The following EEFSEC variants were observed in gnomAD, a reference collection of about 807,000 sequenced individuals.
EEFSEC encodes the protein eukaryotic elongation factor, selenocysteine-tRNA specific.
Under a neutral mutation model 42.1 loss-of-function variants are expected in EEFSEC, and 43 were observed. The ratio of observed to expected loss-of-function variants is 1.02; its 90% CI spans 0.80 to 1.32. The LOEUF is 1.32. Ranked by LOEUF, EEFSEC falls within the 40% of genes most tolerant of loss-of-function variation. The probability of loss-of-function intolerance (pLI) is 0.00; values close to 1 mark genes in which losing one functional copy is unlikely to be tolerated. For missense variants in EEFSEC, 745 were observed against 803.6 expected (o/e 0.93, Z 0.88); for synonymous variants, 354 against 339.1 (o/e 1.04, Z -0.48).
chr3:128,156,143 G>A (rs1238974928), intron 1 of EEFSEC, among the ~76,000 whole-genome samples: 1 of 152,196 alleles, frequency 6.6e-6, no homozygotes, highest in Admixed American at 6.5e-5. Flanking sequence ...ACAAAACTGG[G>A]CTTGAAGCCT....
intron 1 of EEFSEC, among the ~76,000 whole-genome samples, chr3:128,225,749 T>C (rs1216913309): frequency 6.6e-6 from 1 of 152,168 alleles, no homozygotes; most frequent in Non-Finnish European, 1.5e-5. Context: ...GTCTGGATGG[T>C]TAGGCACCCA....
chr3:128,336,257 T>C (rs2067188443), intron 4 of EEFSEC, among the ~76,000 whole-genome samples: 1 of 152,084 alleles, frequency 6.6e-6, no homozygotes, highest in Non-Finnish European at 1.5e-5. Flanking sequence ...TACACACCAG[T>C]CTCTCCTTGT....
At chr3:128,384,119 A>G (rs1180200357) in intron 6 of EEFSEC, among the ~76,000 whole-genome samples, 1 of 152,172 alleles carries the variant, frequency 6.6e-6, no homozygotes, top group Non-Finnish European at 1.5e-5. Context: ...GAGCCTAGCT[A>G]AGGAGGCCTT....
At chr3:128,333,314 C>G (rs889119933) in intron 4 of EEFSEC, among the ~76,000 whole-genome samples, 4 of 152,238 alleles carry the variant, frequency 2.6e-5, no homozygotes, top group Non-Finnish European at 5.9e-5. Flanking sequence ...CCCAACACTG[C>G]TGTTCCTTTA....
At chr3:128,330,527 G>A (rs560478500) in intron 4 of EEFSEC, among the ~76,000 whole-genome samples, 1 of 152,166 alleles carries the variant, frequency 6.6e-6, no homozygotes, top group Non-Finnish European at 1.5e-5. Context: ...CTCAGAACAG[G>A]TTTTGTGAGC....
At chr3:128,407,084 A>T (rs1005444535) in intron 6 of EEFSEC, among the ~76,000 whole-genome samples, 2 of 152,192 alleles carry the variant, frequency 1.3e-5, no homozygotes, top group Admixed American at 6.5e-5. Context: ...GGAATGGGCC[A>T]TGATCAGCAG....
chr3:128,362,132 G>A, intron 6 of EEFSEC: 1 of 445,816 alleles, frequency 2.2e-6, no homozygotes, highest in Non-Finnish European at 4.7e-6. Flanking sequence ...GCACCTGGGA[G>A]GCTGCGCTCC....
chr3:128,219,408 C>T (rs13065411), intron 1 of EEFSEC, among the ~76,000 whole-genome samples: 1 of 152,172 alleles, frequency 6.6e-6, no homozygotes, highest in Non-Finnish European at 1.5e-5. Context: ...TCCTGGTGAC[C>T]CAGCCCACTC....
intron 4 of EEFSEC, among the ~76,000 whole-genome samples, chr3:128,283,833 T>C (rs955324276): frequency 6.6e-6 from 1 of 152,150 alleles, no homozygotes; most frequent in Non-Finnish European, 1.5e-5. Flanking sequence ...AACAAAGGCA[T>C]CCACACTGGG....
intron 4 of EEFSEC, among the ~76,000 whole-genome samples, chr3:128,297,250 C>T (rs373586994): frequency 3.8e-4 from 58 of 152,026 alleles, no homozygotes; most frequent in African/African-American, 1.3e-3. Flanking sequence ...GAGGGCTCAC[C>T]GAAGGAACAC....
chr3:128,180,866 T>C (rs1053639567), intron 1 of EEFSEC, among the ~76,000 whole-genome samples: 1 of 152,272 alleles, frequency 6.6e-6, no homozygotes, highest in South Asian at 2.1e-4. Context: ...AAAATGAATT[T>C]AAAAAAAGGG....
At chr3:128,182,917 T>G (rs1332274968) in intron 1 of EEFSEC, among the ~76,000 whole-genome samples, 257 of 115,554 alleles carry the variant, frequency 2.2e-3, no homozygotes, top group African/African-American at 6.7e-3. Context: ...GTAGTGGGGG[T>G]GGGCGGGTTG....
At chr3:128,269,821 A>T (rs1175152287) in intron 4 of EEFSEC, among the ~76,000 whole-genome samples, 2 of 152,112 alleles carry the variant, frequency 1.3e-5, no homozygotes, top group African/African-American at 4.8e-5. Context: ...AGGCATTTTG[A>T]CTCTCTCGAT....
chr3:128,351,833 T>C (rs1363946855), intron 5 of EEFSEC, among the ~76,000 whole-genome samples: 1 of 152,178 alleles, frequency 6.6e-6, no homozygotes, highest in African/African-American at 2.4e-5. Context: ...GGCTAATAAA[T>C]AGAGCAAATT....
chr3:128,285,312 G>C (rs540457091), intron 4 of EEFSEC, among the ~76,000 whole-genome samples: 41 of 152,282 alleles, frequency 2.7e-4, no homozygotes, highest in African/African-American at 9.4e-4. Context: ...GAGCCTGGGA[G>C]GCATGGGGTG....
At position 128,374,780 on chromosome 3, in the gene EEFSEC, A is replaced by G. The variant is rs566504565; in HGVS notation, c.1600+16407A>G. On this transcript the variant is annotated intron_variant, in intron 6 of 6. Transcript: ENST00000254730. ...TAATTTACTCTTCACAACAAACCTGAAGGAATTATAATTATTGAAATTGCC... is the reference window on the plus strand; with the variant it reads ...TAATTTACTCTTCACAACAAACCTGGAGGAATTATAATTATTGAAATTGCC... Among the ~76,000 whole-genome samples, 182 of 152,356 alleles carry G rather than the reference A, an allele frequency of 1.2e-3. 2 individuals carry two copies. The highest frequency in any genetic ancestry group is 0.01 in the Middle Eastern group (3 of 294).
At chr3:128,249,098 T>C (rs2066157415) in intron 2 of EEFSEC, among the ~76,000 whole-genome samples, 1 of 152,258 alleles carries the variant, frequency 6.6e-6, no homozygotes, top group South Asian at 2.1e-4. Flanking sequence ...TTTCTTATGT[T>C]CCCTTGTTAA....
At chr3:128,403,696 A>AACCAC (rs1559961300) in intron 6 of EEFSEC, among the ~76,000 whole-genome samples, 3 of 151,594 alleles carry the variant, frequency 2.0e-5, no homozygotes, top group Non-Finnish European at 4.4e-5. Flanking sequence ...CCTCTCGCAT[A>AACCAC]CCCTAGGAAT....
intron 1 of EEFSEC, among the ~76,000 whole-genome samples, chr3:128,184,271 A>C (rs932607634): frequency 9.2e-5 from 14 of 152,210 alleles, no homozygotes; most frequent in African/African-American, 3.4e-4. Context: ...TGCAACCATC[A>C]CTGCTATCCA....
Sources: gnomAD v4.1 joint callset for allele counts (sites outside exome capture counted in the v4.1 genomes callset) on GRCh38, gnomAD v4.1.1 for gene constraint, MANE v1.5 for transcripts, NCBI Gene and HGNC (gene_info 2026-07-23, HGNC 2026-07-21) for gene names.